The following EML5 variants were observed in gnomAD, a reference collection of about 807,000 sequenced individuals.
EML5 encodes echinoderm microtubule-associated protein-like 5.
Under a neutral mutation model 250.0 loss-of-function variants are expected in EML5, and 120 were observed. The ratio of observed to expected loss-of-function variants is 0.48; its 90% CI spans 0.41 to 0.56. EML5 has a LOEUF of 0.56. Ranked by LOEUF, EML5 falls within the 20% of genes least tolerant of loss-of-function variation. The probability of loss-of-function intolerance (pLI) is 0.00; values close to 1 mark genes in which losing one functional copy is unlikely to be tolerated. For synonymous variants in EML5, 771 were observed against 806.5 expected (o/e 0.96, Z 0.75); for missense variants, 2,006 against 2,437.6 (o/e 0.82, Z 3.73).
At position 88,792,552 on chromosome 14, in the gene EML5, G is replaced by A. The variant is rs1255502147; in HGVS notation, c.-49C>T. The A allele has an allele frequency of 2.4e-6, 3 of 1,224,906 alleles. No individual in the cohort carries two copies. The highest frequency in any genetic ancestry group is 3.4e-5 in the East Asian group (1 of 29,204). 75.9% of individuals were successfully genotyped at this position (1,224,906 alleles called of 1,614,324 possible). ...CCGCTCGGGCCCGCGGCGGCGACGG[G>A]AGGCGGCGGCGGCCCGGCAACGAAA... On this transcript the variant is annotated 5_prime_UTR_variant, in exon 1 of 44. Coordinates refer to ENST00000554922, the MANE Select transcript of EML5 (RefSeq NM_183387.3). This position sits in a 1 kb window ranked among gnomAD's most constrained non-coding sequence, Gnocchi z 6.9.
chr14:88,737,601 G>A (rs967156557), intron 6 of EML5, among the ~76,000 whole-genome samples: 2 of 152,224 alleles, frequency 1.3e-5, no homozygotes, highest in Admixed American at 6.5e-5. Flanking sequence ...TTCCTAAATT[G>A]AAGTTAATTT....
rs146537430 is a variant in EML5 at position 88,695,894 on chromosome 14, C to T, written c.2345-440G>A. On this transcript the variant is annotated intron_variant, in intron 15 of 43. Coordinates refer to ENST00000554922, the MANE Select transcript of EML5 (RefSeq NM_183387.3). ...ACACGTAAGTTACAACAACATGCTG[C>T]CACTAATATGACTACTTTTAGTAAA... Among the ~76,000 whole-genome samples, 783 of 152,018 alleles carry T rather than the reference C, an allele frequency of 5.2e-3. 9 individuals carry two copies. Among genetic ancestry groups the T allele is most frequent in the African/African-American group, 0.018 (752 of 41,480 alleles).
At chr14:88,667,146 G>C (rs1386449954) in intron 21 of EML5, among the ~76,000 whole-genome samples, 1 of 152,156 alleles carries the variant, frequency 6.6e-6, no homozygotes, top group African/African-American at 2.4e-5. Context: ...TACAAATTAA[G>C]TTAAAGATGC....
In EML5 at chr14:88,658,394, G is replaced by A; in HGVS notation, c.3676-6C>T. 1 of 1,576,760 alleles carries A rather than the reference G, an allele frequency of 6.3e-7. No individual in the cohort carries two copies. On this transcript the variant is annotated splice_polypyrimidine_tract_variant and splice_region_variant and intron_variant, in intron 25 of 43. Transcript: ENST00000554922. ...TTAAACTTTCCAAATTTCCCCTAAA[G>A]AGGAAGAAAATTCAAACAATCTTTC...
At chr14:88,744,804 A>C (rs1425585326) in intron 3 of EML5, among the ~76,000 whole-genome samples, 1 of 152,050 alleles carries the variant, frequency 6.6e-6, no homozygotes, top group Non-Finnish European at 1.5e-5. Flanking sequence ...ACACCTTATC[A>C]ACCTACCTCT....
Position 88,618,711 on chromosome 14 carries a change from C to CAGT in EML5, c.5474_5476dup (p.Tyr1825dup), listed in dbSNP as rs2088227434. Reference sequence around the variant, plus strand: ...AATGACAAAGCTTGGAATGTCTTTGCAGTAGCTGATTCTGTTAAGAGTGGG... The same window carrying CAGT: ...AATGACAAAGCTTGGAATGTCTTTGCAGTAGTAGCTGATTCTGTTAAGAGTGGG... On this transcript the variant is annotated inframe_insertion, in exon 40 of 44. Transcript: ENST00000554922. 1 of 1,611,328 alleles carries CAGT rather than the reference C, an allele frequency of 6.2e-7. No homozygotes were observed. Among genetic ancestry groups the CAGT allele is most frequent in the Admixed American group, 1.7e-5 (1 of 59,716 alleles).
intron 1 of EML5, among the ~76,000 whole-genome samples, chr14:88,774,838 AGATTGC>A (rs1056897399): frequency 4.3e-4 from 66 of 152,348 alleles, no homozygotes; most frequent in African/African-American, 1.5e-3. Flanking sequence ...ATACCAGCTC[AGATTGC>A]TTCCCTGAAT....
intron 35 of EML5, chr14:88,625,449 T>G (rs943729219): frequency 1.9e-5 from 4 of 209,700 alleles, no homozygotes; most frequent in African/African-American, 9.4e-5. Context: ...TTGCCCAGGC[T>G]GGAGTGCAAT....
chr14:88,618,516 T>C (rs1406264308), intron 40 of EML5, 134 bp downstream of exon 40: 4 of 1,170,320 alleles, frequency 3.4e-6, no homozygotes, highest in Admixed American at 5.2e-5. Context: ...AAAGGGGAGC[T>C]GTAGGTCAGA....
rs770626689 is a variant in EML5, at chr14:88,715,171, A to G, written c.1212T>C (p.Ile404=). Residue 404 remains isoleucine, a synonymous_variant, in exon 9 of 44, where the codon ATT becomes ATC. Coordinates refer to ENST00000554922, the MANE Select transcript of EML5 (RefSeq NM_183387.3). ...CATGAATTGCCTCCTTCCTATCTTT[A>G]ATATGTACAACTTCCGTCATATCTC... is the stretch of plus-strand genomic sequence containing the variant. The part of the protein sequence containing the change: ...RVRDMTEVVH[I]KDRKEAIHEL... The G allele has an allele frequency of 6.2e-7, 1 of 1,601,072 alleles. No homozygotes were observed. The highest frequency in any genetic ancestry group is 1.1e-5 in the South Asian group (1 of 89,290).
chr14:88,751,773 T>C (rs1203499876), intron 2 of EML5, among the ~76,000 whole-genome samples: 1 of 152,004 alleles, frequency 6.6e-6, no homozygotes, highest in Non-Finnish European at 1.5e-5. Context: ...CCTTTAAAGA[T>C]AAAAATAATC....
At chr14:88,692,760 T>G (rs561986221) in intron 17 of EML5, among the ~76,000 whole-genome samples, 2 of 152,356 alleles carry the variant, frequency 1.3e-5, no homozygotes, top group East Asian at 3.9e-4. Context: ...AAAATACTTC[T>G]TTTTACTTTG....
At position 88,661,787 on chromosome 14, in the gene EML5, A is replaced by C; in HGVS notation, c.3542T>G (p.Leu1181Ter). Residue 1181 changes from leucine to a stop codon, truncating the protein, a stop_gained, in exon 25 of 44, where the codon TTA becomes TGA. Transcript: ENST00000554922. LOFTEE classifies it high-confidence loss of function. Reference sequence around the variant, plus strand: ...TACTGGCCAAATTCCTTCACAGCATAAACCAAGTACACTTGTCCATGATGC... The same window carrying C: ...TACTGGCCAAATTCCTTCACAGCATCAACCAAGTACACTTGTCCATGATGC... ...AWASWTSVLG[L>*]CCEGIWPVIG... 6.2e-7 allele frequency: 1 copy of C among 1,613,680 alleles called. No homozygotes were observed. Among genetic ancestry groups the C allele is most frequent in the Non-Finnish European group, 8.5e-7 (1 of 1,179,760 alleles).
chr14:88,700,078 A>G (rs182202309), intron 14 of EML5, among the ~76,000 whole-genome samples: 6 of 152,300 alleles, frequency 3.9e-5, no homozygotes, highest in Admixed American at 3.9e-4. Context: ...GTGTTTCCCC[A>G]CAACATTTAA....
intron 4 of EML5, 133 bp downstream of exon 4, chr14:88,743,887 GAAC>G (rs1202633179): frequency 6.4e-6 from 3 of 470,138 alleles, no homozygotes; most frequent in Admixed American, 4.0e-5. Flanking sequence ...CTGAACATAA[GAAC>G]AATAAAAACA....
At chr14:88,754,418 T>C (rs2094136009) in intron 2 of EML5, 94 bp downstream of exon 2, 1 of 1,174,222 alleles carries the variant, frequency 8.5e-7, no homozygotes. Flanking sequence ...ATAATTTTCA[T>C]CAAGTGTCCA....
chr14:88,701,725 C>A (rs568499255), intron 14 of EML5, among the ~76,000 whole-genome samples: 2 of 152,302 alleles, frequency 1.3e-5, no homozygotes, highest in Non-Finnish European at 2.9e-5. Context: ...TAAAGCCAGA[C>A]AGACTGAAGG....
At chr14:88,676,658 A>G (rs1034733759) in intron 21 of EML5, among the ~76,000 whole-genome samples, 18 of 152,232 alleles carry the variant, frequency 1.2e-4, no homozygotes, top group African/African-American at 2.9e-4. Context: ...GAACCAAAAA[A>G]GAGCCCATAT....
chr14:88,615,952 A>G, intron 43 of EML5, 98 bp from the exon 44 acceptor site: 1 of 1,411,898 alleles, frequency 7.1e-7, no homozygotes, highest in Non-Finnish European at 9.7e-7. Flanking sequence ...TACATGTGTA[A>G]TATTTTTCCT....
Sources: allele counts gnomAD v4.1 joint callset (sites outside exome capture counted in the v4.1 genomes callset), GRCh38; gene constraint gnomAD v4.1.1; non-coding constraint Gnocchi (gnomAD v3.1); transcripts MANE v1.5; gene names NCBI Gene and HGNC (gene_info 2026-07-23, HGNC 2026-07-21).